The following KCND2 variants were observed in gnomAD, a reference collection of about 807,000 sequenced individuals.
KCND2 encodes the protein potassium voltage-gated channel subfamily D member 2, also known as A-type voltage-gated potassium channel KCND2.
A neutral mutation model predicts 54.4 loss-of-function variants in KCND2; 16 were observed. The observed-to-expected ratio is 0.29, with a 90% confidence interval of 0.20 to 0.45. KCND2 has a LOEUF of 0.45. Among genes scored for constraint, KCND2 ranks in the 20% least tolerant of loss-of-function variants. The pLI is 1.00. For missense variants in KCND2, 486 were observed against 824.2 expected, an observed-to-expected ratio of 0.59 and a Z score of 5.02; for synonymous variants, 317 against 310.7, an observed-to-expected ratio of 1.02 and a Z score of -0.21.
At chr7:120,277,482 G>A (rs1384768680) in intron 1 of KCND2, among the ~76,000 whole-genome samples, 2 of 152,094 alleles carry the variant, frequency 1.3e-5, no homozygotes, top group East Asian at 1.9e-4. Context: ...GTTTTAATAG[G>A]AAGGGAGAAC....
chr7:120,346,720 T>G (rs1800322975), intron 1 of KCND2, among the ~76,000 whole-genome samples: 1 of 152,104 alleles, frequency 6.6e-6, no homozygotes, highest in South Asian at 2.1e-4. Flanking sequence ...TCTCTCTGTC[T>G]CTTTCTCTAA....
intron 1 of KCND2, among the ~76,000 whole-genome samples, chr7:120,663,234 TAAC>T (rs375963981): frequency 2.6e-5 from 4 of 152,048 alleles, no homozygotes; most frequent in Admixed American, 6.6e-5. Flanking sequence ...CTGGTTAGAT[TAAC>T]AACAACAACA....
intron 2 of KCND2, among the ~76,000 whole-genome samples, chr7:120,735,926 A>C (rs1340940036): frequency 6.6e-6 from 1 of 152,026 alleles, no homozygotes; most frequent in Non-Finnish European, 1.5e-5. Flanking sequence ...CCTTCCCAAG[A>C]GATTAGGGGG....
chr7:120,483,851 T>C (rs1284273241), intron 1 of KCND2, among the ~76,000 whole-genome samples: 2 of 152,188 alleles, frequency 1.3e-5, no homozygotes, highest in Non-Finnish European at 2.9e-5. Context: ...TATAAAATTG[T>C]TTCTAGAAGT....
At chr7:120,320,320 C>T (rs893665175) in intron 1 of KCND2, among the ~76,000 whole-genome samples, 2 of 152,090 alleles carry the variant, frequency 1.3e-5, no homozygotes, top group African/African-American at 4.8e-5. Context: ...TCACTTTGGT[C>T]TAGCCTAGTA....
chr7:120,333,089 A>G (rs1363023066), intron 1 of KCND2, among the ~76,000 whole-genome samples: 2 of 152,082 alleles, frequency 1.3e-5, no homozygotes, highest in African/African-American at 4.8e-5. Flanking sequence ...TGATGATTGG[A>G]AGAATATGAG....
chr7:120,598,233 C>T (rs1045676419), intron 1 of KCND2, among the ~76,000 whole-genome samples: 4 of 151,922 alleles, frequency 2.6e-5, no homozygotes, highest in African/African-American at 9.7e-5. Flanking sequence ...TGTAAAAAAT[C>T]GGTAGCATCA....
intron 1 of KCND2, among the ~76,000 whole-genome samples, chr7:120,387,370 C>A (rs961186799): frequency 8.6e-5 from 13 of 151,702 alleles, no homozygotes; most frequent in Non-Finnish European, 1.5e-4. Context: ...AAAACATAGT[C>A]AAAAATATGA....
intron 1 of KCND2, among the ~76,000 whole-genome samples, chr7:120,582,057 C>A (rs1792522792): frequency 6.6e-6 from 1 of 152,020 alleles, no homozygotes; most frequent in South Asian, 2.1e-4. Context: ...AGAAAGAAAA[C>A]CTTCAGTCCT....
At chr7:120,441,487 GA>G (rs1801944418) in intron 1 of KCND2, among the ~76,000 whole-genome samples, 1 of 152,062 alleles carries the variant, frequency 6.6e-6, no homozygotes, top group African/African-American at 2.4e-5. Context: ...TTAATGCTGA[GA>G]ATGAATGGCA....
At chr7:120,442,944 C>T (rs1801963843) in intron 1 of KCND2, among the ~76,000 whole-genome samples, 2 of 152,106 alleles carry the variant, frequency 1.3e-5, no homozygotes, top group African/African-American at 4.8e-5. Flanking sequence ...GGCTACTTCA[C>T]TTTACTTCGT....
At chr7:120,712,922 G>C (rs1414446339) in intron 1 of KCND2, among the ~76,000 whole-genome samples, 1 of 152,122 alleles carries the variant, frequency 6.6e-6, no homozygotes, top group Non-Finnish European at 1.5e-5. Context: ...TGTAGATGTA[G>C]TCTTATTTAT....
intron 1 of KCND2, among the ~76,000 whole-genome samples, chr7:120,521,251 G>C (rs1261432320): frequency 6.6e-6 from 1 of 151,894 alleles, no homozygotes; most frequent in Non-Finnish European, 1.5e-5. Flanking sequence ...ATAATATTCA[G>C]TTTCAAGGAA....
intron 1 of KCND2, among the ~76,000 whole-genome samples, chr7:120,353,073 A>G (rs1308325964): frequency 2.0e-5 from 3 of 151,236 alleles, no homozygotes; most frequent in East Asian, 3.9e-4. Flanking sequence ...ATTCATTTAG[A>G]TAATACTGTA....
In KCND2 at chr7:120,274,141, C is replaced by G. The variant is rs1799132882; in HGVS notation, c.-492C>G. 6.2e-6 allele frequency: 1 copy of G among 160,808 alleles called. No individual in the cohort carries two copies. Among genetic ancestry groups the G allele is most frequent in the South Asian group, 1.7e-4 (1 of 5,730 alleles). 10.0% of individuals were successfully genotyped at this position (160,808 alleles called of 1,614,324 possible). ...GAGACTCCTTTGGCGGGAAGGGCTA[C>G]TTGGAAAGGAAGGTTTGAAAGAGTG... On this transcript the variant is annotated 5_prime_UTR_variant, in exon 1 of 6. Transcript: ENST00000331113.
At chr7:120,714,204 T>C (rs974058707) in intron 1 of KCND2, among the ~76,000 whole-genome samples, 1 of 152,154 alleles carries the variant, frequency 6.6e-6, no homozygotes, top group African/African-American at 2.4e-5. Flanking sequence ...TAAACATCTT[T>C]TTATGTGCTT....
chr7:120,417,637 C>T (rs1354680102), intron 1 of KCND2, among the ~76,000 whole-genome samples: 1 of 152,146 alleles, frequency 6.6e-6, no homozygotes. Context: ...GAATGATATA[C>T]GATCCTGTGT....
intron 1 of KCND2, among the ~76,000 whole-genome samples, chr7:120,285,422 T>G (rs1235918379): frequency 6.6e-6 from 1 of 152,004 alleles, no homozygotes; most frequent in Non-Finnish European, 1.5e-5. Flanking sequence ...TATTAAGTCT[T>G]TTTGTTCATA....
At chr7:120,678,343 TTATATATATATATATATATA>T (rs3067141) in intron 1 of KCND2, among the ~76,000 whole-genome samples, 1 of 120,274 alleles carries the variant, frequency 8.3e-6, no homozygotes, top group African/African-American at 3.2e-5. Context: ...GTATGATTAT[TTATATATATATATATATATA>T]TATATATATA....
Sources: allele counts gnomAD v4.1 joint callset (sites outside exome capture counted in the v4.1 genomes callset), GRCh38; gene constraint gnomAD v4.1.1; transcripts MANE v1.5; gene names NCBI Gene and HGNC (gene_info 2026-07-23, HGNC 2026-07-21).